The following MSI2 variants were observed in gnomAD, a reference collection of about 807,000 sequenced individuals.
MSI2 encodes RNA-binding protein Musashi homolog 2.
In MSI2, 17 loss-of-function variants were observed where a neutral mutation model predicts 45.6. The ratio of observed to expected loss-of-function variants is 0.37; its 90% CI spans 0.26 to 0.56. The LOEUF is 0.56. MSI2 is among the 20% of genes least tolerant of loss of function. The probability of loss-of-function intolerance (pLI) is 0.77; values close to 1 mark genes in which losing one functional copy is unlikely to be tolerated. For missense variants in MSI2, 293 were observed against 444.2 expected (o/e 0.66, Z 3.06); for synonymous variants, 156 against 158.2 (o/e 0.99, Z 0.11).
intron 5 of MSI2, among the ~76,000 whole-genome samples, chr17:57,287,491 C>T (rs967606003): frequency 3.9e-5 from 6 of 152,182 alleles, no homozygotes; most frequent in Non-Finnish European, 5.9e-5. Context: ...GTTGCTCAGT[C>T]GCGGAGTCTT....
In MSI2 at chr17:57,558,678, G is replaced by A. The variant is rs114025865; in HGVS notation, c.454+28954G>A. 9.0e-3 allele frequency among the ~76,000 whole-genome samples: 1,371 copies of A among 152,338 alleles called. 17 individuals are homozygous for A. Among genetic ancestry groups the A allele is most frequent in the African/African-American group, 0.031 (1,278 of 41,572 alleles). ...AAGCACCAGCCCTGCCAAGAGCAAA[G>A]AGAGGCTTGCTGGATCCCGCTGTCT... On this transcript the variant is annotated intron_variant, in intron 7 of 13. Transcript: ENST00000284073.
intron 6 of MSI2, among the ~76,000 whole-genome samples, chr17:57,473,557 C>T (rs1567845045): frequency 6.6e-6 from 1 of 152,280 alleles, no homozygotes; most frequent in East Asian, 1.9e-4. Context: ...AAATATCTAC[C>T]AAATTGGACA....
intron 7 of MSI2, among the ~76,000 whole-genome samples, chr17:57,565,264 C>T (rs910597172): frequency 2.6e-5 from 4 of 152,144 alleles, no homozygotes; most frequent in Non-Finnish European, 4.4e-5. Flanking sequence ...TGCTGGATTT[C>T]CCATTTTTCT....
chr17:57,611,485 T>C (rs140713909), intron 8 of MSI2, among the ~76,000 whole-genome samples: 1 of 95,504 alleles, frequency 1.0e-5, no homozygotes, highest in Non-Finnish European at 2.5e-5. Flanking sequence ...CGACCACATG[T>C]GGTTGTTGGT....
chr17:57,269,741 A>G (rs1908178846), intron 5 of MSI2, among the ~76,000 whole-genome samples: 1 of 152,248 alleles, frequency 6.6e-6, no homozygotes, highest in Non-Finnish European at 1.5e-5. Context: ...CTCAATGTGG[A>G]CATCACAGAT....
chr17:57,308,531 G>A (rs1214734441), intron 5 of MSI2, among the ~76,000 whole-genome samples: 1 of 152,182 alleles, frequency 6.6e-6, no homozygotes, highest in Non-Finnish European at 1.5e-5. Flanking sequence ...CGACTTAACG[G>A]TTGGGATTTC....
At chr17:57,285,922 G>GT in intron 5 of MSI2, 1 of 1,533,954 alleles carries the variant, frequency 6.5e-7, no homozygotes, top group Non-Finnish European at 8.7e-7. Flanking sequence ...TAAAGAATAC[G>GT]TCTTATCACG....
chr17:57,433,207 T>C (rs1486970481), intron 6 of MSI2, among the ~76,000 whole-genome samples: 1 of 152,222 alleles, frequency 6.6e-6, no homozygotes, highest in Non-Finnish European at 1.5e-5. Flanking sequence ...TTGGGTGTAC[T>C]GGGTTGAATG....
intron 6 of MSI2, among the ~76,000 whole-genome samples, chr17:57,412,258 G>T (rs760160569): frequency 6.6e-6 from 1 of 151,880 alleles, no homozygotes; most frequent in Non-Finnish European, 1.5e-5. Flanking sequence ...GGCTGGTCTC[G>T]GACTCCAGAC....
intron 6 of MSI2, among the ~76,000 whole-genome samples, chr17:57,459,188 C>A (rs1245665122): frequency 2.6e-5 from 4 of 152,174 alleles, no homozygotes. Context: ...AAGTGTTTCT[C>A]ACACACATCC....
chr17:57,304,084 C>T (rs574265127), intron 5 of MSI2, among the ~76,000 whole-genome samples: 11 of 152,224 alleles, frequency 7.2e-5, no homozygotes, highest in South Asian at 2.1e-4. Flanking sequence ...GATGGCTGTG[C>T]GCCATGGCTC....
intron 5 of MSI2, among the ~76,000 whole-genome samples, chr17:57,282,834 A>ATTTTTTTTTT: frequency 8.7e-5 from 1 of 11,468 alleles, no homozygotes; most frequent in African/African-American, 2.8e-4. Flanking sequence ...TGGGGGGCAG[A>ATTTTTTTTTT]CTTTTTTTTT....
At position 57,374,847 on chromosome 17, in the gene MSI2, T is replaced by G. The variant is rs1009754295; in HGVS notation, c.313-26532T>G. ...AGGAGACCACTTAGCATTTATTCCA[T>G]GTCCAGTTGACATTTGGGATGTGCT... On this transcript the variant is annotated intron_variant, in intron 5 of 13. Transcript: ENST00000284073. Among the ~76,000 whole-genome samples, 9 of 152,314 alleles carry G rather than the reference T, an allele frequency of 5.9e-5. No homozygotes were observed. The East Asian group carries it at 1.7e-3, about 29-fold the overall frequency.
intron 13 of MSI2, among the ~76,000 whole-genome samples, chr17:57,679,189 G>GA (rs1046217643): frequency 3.9e-5 from 6 of 152,164 alleles, no homozygotes; most frequent in Admixed American, 3.9e-4. Context: ...AGTTTAAACA[G>GA]AAAAAAGGTA....
At chr17:57,286,200 G>T (rs1909858654) in intron 5 of MSI2, among the ~76,000 whole-genome samples, 1 of 146,954 alleles carries the variant, frequency 6.8e-6, no homozygotes, top group Non-Finnish European at 1.5e-5. Flanking sequence ...AGTTTCACTT[G>T]TTTTTTTGAC....
chr17:57,432,259 G>A (rs1435509043), intron 6 of MSI2, among the ~76,000 whole-genome samples: 2 of 152,184 alleles, frequency 1.3e-5, no homozygotes, highest in African/African-American at 2.4e-5. Flanking sequence ...GCCCCGAGGA[G>A]CCAGGAGACT....
chr17:57,576,904 A>T (rs2088064614), intron 7 of MSI2, among the ~76,000 whole-genome samples: 1 of 151,856 alleles, frequency 6.6e-6, no homozygotes, highest in African/African-American at 2.4e-5. Context: ...GCAACAGGTG[A>T]TGGAGCTGCT....
At chr17:57,472,327 G>A (rs776580107) in intron 6 of MSI2, among the ~76,000 whole-genome samples, 9 of 152,152 alleles carry the variant, frequency 5.9e-5, no homozygotes, top group Non-Finnish European at 1.0e-4. Context: ...GGGGCAGGGC[G>A]AGCTCAGGGG....
chr17:57,284,943 T>A (rs1263524645), intron 5 of MSI2, among the ~76,000 whole-genome samples: 1 of 152,120 alleles, frequency 6.6e-6, no homozygotes, highest in African/African-American at 2.4e-5. Context: ...GGTAACAATT[T>A]ATTGAAACTA....
Sources: gnomAD v4.1 joint callset for allele counts (sites outside exome capture counted in the v4.1 genomes callset) on GRCh38, gnomAD v4.1.1 for gene constraint, MANE v1.5 for transcripts, NCBI Gene and HGNC (gene_info 2026-07-23, HGNC 2026-07-21) for gene names.